Variants in TRPM1 observed in about 807,000 individuals in gnomAD.
The protein encoded by TRPM1 is transient receptor potential cation channel subfamily M member 1, also known as TRPM1-203 APA Isoform, Intron 10.
TRPM1 carries 113 observed loss-of-function variants against 149.4 expected under a neutral mutation model. The observed-to-expected ratio is 0.76, with a 90% CI of 0.65 to 0.88. The LOEUF (loss-of-function observed/expected upper bound fraction) is 0.88. Ranked by LOEUF, TRPM1 falls within the 40% of genes least tolerant of loss-of-function variation. TRPM1 has a pLI of 0.00. For synonymous variants in TRPM1, 741 were observed against 759.5 expected (o/e 0.98, Z 0.40); for missense variants, 1,976 against 2,038.7 (o/e 0.97, Z 0.59).
At chr15:31,064,903 G>A (rs1024335263) in intron 7 of TRPM1, 6 of 423,452 alleles carry the variant, frequency 1.4e-5, no homozygotes, top group South Asian at 3.7e-5. Flanking sequence ...CCTGGACTCC[G>A]CCTTTGAGAT....
At chr15:31,062,874 G>A in intron 8 of TRPM1, 172 bp from the exon 9 acceptor site, 1 of 991,384 alleles carries the variant, frequency 1.0e-6, no homozygotes, top group Admixed American at 2.1e-5. Flanking sequence ...CTAAATTCCA[G>A]CTTTGTTGCA....
intron 1 of TRPM1, among the ~76,000 whole-genome samples, chr15:31,147,917 G>T (rs994528458): frequency 1.3e-5 from 2 of 152,192 alleles, no homozygotes; most frequent in Non-Finnish European, 2.9e-5. Context: ...TTCGGTTTAC[G>T]GCTTCTGATC....
intron 1 of TRPM1, among the ~76,000 whole-genome samples, chr15:31,107,633 A>G (rs114013450): frequency 1.2e-3 from 177 of 151,962 alleles, no homozygotes; most frequent in African/African-American, 4.1e-3. Flanking sequence ...TCTATTTTCT[A>G]AAGTTGAAGG....
chr15:31,067,979 G>C lies in TRPM1; in HGVS notation c.393C>G (p.Asn131Lys), dbSNP rs1386257022. 1.2e-6 allele frequency: 2 copies of C among 1,614,104 alleles called. No homozygotes were observed. The highest frequency in any genetic ancestry group is 1.7e-6 in the Non-Finnish European group (2 of 1,180,056). ...LLISVHGGLQ[N>K]FEMQPKLKQV... The stretch of plus-strand genomic sequence containing the variant: ...GTTTCAGCTTGGGCTGCATCTCAAA[G>C]TTCTGGAGGCCTCCATGCACAGATA... The change falls in exon 5 of 28, where the codon AAC becomes AAG. Residue 131 changes from asparagine (N) to lysine (K), a missense_variant. Coordinates refer to ENST00000256552, the MANE Select transcript of TRPM1 (RefSeq NM_001252024.2).
exon 1 of TRPM1, chr15:31,161,105 C>T (rs1402878907): frequency 6.7e-5 from 50 of 751,080 alleles, no homozygotes; most frequent in Middle Eastern, 3.6e-4. Context: ...ACGCACTGGG[C>T]GAGGGGGCCG....
intron 1 of TRPM1, among the ~76,000 whole-genome samples, chr15:31,160,190 C>T (rs2036427229): frequency 1.3e-5 from 2 of 152,176 alleles, no homozygotes; most frequent in African/African-American, 2.4e-5. Context: ...TGCCCAGTCT[C>T]CTTGGGCTCA....
At chr15:31,069,728 T>G (rs544107363) in intron 4 of TRPM1, 1 of 1,425,742 alleles carries the variant, frequency 7.0e-7, no homozygotes, top group East Asian at 2.5e-5. Context: ...GAATTTGTCT[T>G]CCTTTACTGA....
chr15:31,106,924 C>T (rs2035616065), intron 1 of TRPM1, among the ~76,000 whole-genome samples: 1 of 152,218 alleles, frequency 6.6e-6, no homozygotes, highest in African/African-American at 2.4e-5. Flanking sequence ...CCCACAGCCT[C>T]ACCAACAAAA....
intron 27 of TRPM1, among the ~76,000 whole-genome samples, chr15:31,012,357 C>T (rs2032216051): frequency 6.6e-6 from 1 of 152,160 alleles, no homozygotes; most frequent in Non-Finnish European, 1.5e-5. Context: ...ATTTATCCTT[C>T]ATTTTTAAAG....
chr15:31,103,100 G>T (rs1203333616), upstream of TRPM1, among the ~76,000 whole-genome samples: 1 of 152,248 alleles, frequency 6.6e-6, no homozygotes, highest in Non-Finnish European at 1.5e-5. Flanking sequence ...CCATGGCTGG[G>T]AGGTGTGGAG....
At chr15:31,068,509 A>G (rs2034444269) in intron 4 of TRPM1, among the ~76,000 whole-genome samples, 1 of 152,054 alleles carries the variant, frequency 6.6e-6, no homozygotes, top group Admixed American at 6.6e-5. Context: ...TGGGAAGCCG[A>G]GGCAGGTGGA....
At chr15:31,026,785 G>A in intron 26 of TRPM1, 130 bp downstream of exon 26, 1 of 945,918 alleles carries the variant, frequency 1.1e-6, no homozygotes, top group Non-Finnish European at 1.6e-6. Flanking sequence ...CTTTTGAAAA[G>A]AACAGCAGTT....
At chr15:31,036,074 C>G in intron 20 of TRPM1, 1 of 332,084 alleles carries the variant, frequency 3.0e-6, no homozygotes, top group Non-Finnish European at 5.9e-6. Context: ...CTTCCTGATT[C>G]TTTCCACAAC....
intron 1 of TRPM1, among the ~76,000 whole-genome samples, chr15:31,092,673 C>A (rs1018163089): frequency 1.3e-5 from 2 of 152,216 alleles, no homozygotes; most frequent in African/African-American, 4.8e-5. Flanking sequence ...TATACTTGTG[C>A]ATGTATGTAT....
chr15:31,009,231 T>C (rs1433337000), intron 27 of TRPM1, among the ~76,000 whole-genome samples: 3 of 152,144 alleles, frequency 2.0e-5, no homozygotes, highest in African/African-American at 7.2e-5. Context: ...CATGGTGACC[T>C]GTGCCTGTAA....
At chr15:31,028,525 G>A in intron 24 of TRPM1, 49 bp from the exon 25 acceptor site, 1 of 1,589,284 alleles carries the variant, frequency 6.3e-7, no homozygotes, top group Non-Finnish European at 8.6e-7. Flanking sequence ...ATAATGAAAA[G>A]GATAAATATC....
intron 3 of TRPM1, among the ~76,000 whole-genome samples, chr15:31,070,782 T>G (rs1462683237): frequency 6.6e-6 from 1 of 152,192 alleles, no homozygotes; most frequent in Non-Finnish European, 1.5e-5. Context: ...CTCGAACTCC[T>G]GGGCTCAAGC....
rs1053804703 is a variant in TRPM1 at position 31,130,992 on chromosome 15, C to T, written c.54+29914G>A. ...AGGGCAAGGAGAATCCGTTGGGCAA[C>T]GGTTACAAACAGGCACAGAAAAAAG... On this transcript the variant is annotated intron_variant, in intron 1 of 26. Coordinates refer to the TRPM1 transcript ENST00000542188. Among the ~76,000 whole-genome samples, 4 of 152,160 alleles carry T rather than the reference C, an allele frequency of 2.6e-5. 1 individual carries two copies. The highest frequency in any genetic ancestry group is 4.1e-4 in the South Asian group (2 of 4,832).
At chr15:31,136,872 T>C (rs763471405) in intron 1 of TRPM1, among the ~76,000 whole-genome samples, 4 of 152,122 alleles carry the variant, frequency 2.6e-5, no homozygotes, top group Admixed American at 2.0e-4. Flanking sequence ...CTGAGGTATT[T>C]AAACTAAGTT....
Sources: allele counts gnomAD v4.1 joint callset (sites outside exome capture counted in the v4.1 genomes callset), GRCh38; gene constraint gnomAD v4.1.1; transcripts MANE v1.5; gene names NCBI Gene and HGNC (gene_info 2026-07-23, HGNC 2026-07-21).